Variants in COMMD1 observed in about 807,000 individuals in gnomAD.
COMMD1 encodes copper metabolism domain containing 1, also known as COMM domain-containing protein 1.
A neutral mutation model predicts 17.2 loss-of-function variants in COMMD1; 10 were observed. The ratio of observed to expected loss-of-function variants is 0.58; its 90% confidence interval spans 0.36 to 0.99. The LOEUF (loss-of-function observed/expected upper bound fraction) is 0.99. Ranked by LOEUF, COMMD1 falls within the 50% of genes least tolerant of loss-of-function variation. The pLI, the probability that COMMD1 is intolerant of heterozygous loss-of-function variation, is 0.01. For synonymous variants in COMMD1, 97 were observed against 91.6 expected (o/e 1.06, Z -0.34); for missense variants, 270 against 231.8 (o/e 1.17, Z -1.07).
At position 62,042,668 on chromosome 2, in the gene COMMD1, T is replaced by A. The variant is rs375820263; in HGVS notation, c.462+41686T>A. On this transcript the variant is annotated intron_variant, in intron 2 of 2. Transcript: ENST00000311832. ...GCCTCAGCCAGCCCCGGCGACGGGC[T>A]GAAGGGCTCCTCGAGCGCAGCCAGA... Among the ~76,000 whole-genome samples, 359 of 152,294 alleles carry A rather than the reference T, an allele frequency of 2.4e-3. 4 individuals are homozygous for A. Among genetic ancestry groups the A allele is most frequent in the African/African-American group, 8.5e-3 (352 of 41,568 alleles).
chr2:61,937,541 T>C (rs1352499751), intron 1 of COMMD1, among the ~76,000 whole-genome samples: 3 of 152,238 alleles, frequency 2.0e-5, no homozygotes, highest in East Asian at 3.8e-4. Context: ...GGAATAGACA[T>C]GGACAGGCAT....
intron 2 of COMMD1, among the ~76,000 whole-genome samples, chr2:62,063,669 G>T (rs76490782): frequency 0.078 from 11,814 of 151,600 alleles, 1,067 homozygotes; most frequent in African/African-American, 0.22. Flanking sequence ...TTTCTATAAT[G>T]TTCTATGCAG....
intron 2 of COMMD1, among the ~76,000 whole-genome samples, chr2:62,015,805 T>A (rs1573073363): frequency 6.6e-6 from 1 of 151,682 alleles, no homozygotes; most frequent in East Asian, 1.9e-4. Context: ...ATGTTGAACA[T>A]CTTTTTATGT....
chr2:61,935,837 G>A (rs558205196), intron 1 of COMMD1, among the ~76,000 whole-genome samples: 59 of 150,710 alleles, frequency 3.9e-4, no homozygotes, highest in Admixed American at 5.9e-4. Context: ...TTTTTTTTGA[G>A]ACAGAGTCTC....
At chr2:61,950,172 G>A (rs1453595863) in intron 1 of COMMD1, among the ~76,000 whole-genome samples, 2 of 152,208 alleles carry the variant, frequency 1.3e-5, no homozygotes, top group African/African-American at 4.8e-5. Flanking sequence ...TGGACCCCGA[G>A]ATTTAGGGTC....
intron 2 of COMMD1, among the ~76,000 whole-genome samples, chr2:62,071,585 C>G (rs1306779140): frequency 2.6e-5 from 4 of 152,124 alleles, no homozygotes; most frequent in African/African-American, 9.7e-5. Flanking sequence ...GGGGCCAGTT[C>G]TACTTATGAT....
At chr2:61,895,625 G>A (rs984007169) in intron 1 of COMMD1, among the ~76,000 whole-genome samples, 4 of 152,134 alleles carry the variant, frequency 2.6e-5, no homozygotes, top group Admixed American at 1.3e-4. Flanking sequence ...AGACCCAGGG[G>A]TGATATGCTA....
At chr2:61,905,590 G>T (rs1004570785), upstream of COMMD1, 2 of 1,333,866 alleles carry the variant, frequency 1.5e-6, no homozygotes, top group Admixed American at 2.8e-5. Context: ...GAGGTTCCCC[G>T]TGGTGGTTTT....
At chr2:62,091,579 C>G (rs1162899561) in intron 2 of COMMD1, among the ~76,000 whole-genome samples, 7 of 152,184 alleles carry the variant, frequency 4.6e-5, no homozygotes, top group Non-Finnish European at 1.5e-5. Flanking sequence ...CATAATGCTT[C>G]CCAGAGGCGC....
chr2:62,055,383 A>G (rs1670665483), intron 2 of COMMD1: 2 of 455,442 alleles, frequency 4.4e-6, no homozygotes, highest in Non-Finnish European at 8.8e-6. Flanking sequence ...TAAGACTGCC[A>G]GCAAAAAAGA....
intron 1 of COMMD1, among the ~76,000 whole-genome samples, chr2:61,992,431 T>G (rs1442964498): frequency 6.6e-6 from 1 of 152,242 alleles, no homozygotes; most frequent in Admixed American, 6.5e-5. Context: ...CAAAGTCATG[T>G]GAGACACAGG....
chr2:62,055,106 C>T (rs1477671965), intron 2 of COMMD1, among the ~76,000 whole-genome samples: 4 of 152,144 alleles, frequency 2.6e-5, no homozygotes, highest in Non-Finnish European at 4.4e-5. Context: ...CAGTGAGTGG[C>T]AAGTGACAAT....
At chr2:62,039,918 T>C (rs1478103436) in intron 2 of COMMD1, among the ~76,000 whole-genome samples, 5 of 152,228 alleles carry the variant, frequency 3.3e-5, no homozygotes, top group African/African-American at 1.2e-4. Context: ...AAAATTTATA[T>C]AGCTAGCAAT....
Position 62,070,211 on chromosome 2 carries a change from G to A in COMMD1, c.463-65620G>A, listed in dbSNP as rs563540132. ...TTTGACCCTTGAACAACACGGGTTTGAACTGCACAGGTCCACTTACTAGTG... is the reference window on the plus strand; with the variant it reads ...TTTGACCCTTGAACAACACGGGTTTAAACTGCACAGGTCCACTTACTAGTG... On this transcript the variant is annotated intron_variant, in intron 2 of 2. Coordinates refer to ENST00000311832, the MANE Select transcript of COMMD1 (RefSeq NM_152516.4). 20 of 152,142 alleles carry A rather than the reference G, an allele frequency of 1.3e-4. 1 individual carries two copies. Among genetic ancestry groups the A allele is most frequent in the Admixed American group, 1.3e-3 (20 of 15,264 alleles). 9.4% of individuals were successfully genotyped at this position (152,142 alleles called of 1,614,324 possible).
chr2:61,926,171 CTG>C (rs1175639589), intron 1 of COMMD1, among the ~76,000 whole-genome samples: 10 of 152,104 alleles, frequency 6.6e-5, no homozygotes, highest in Non-Finnish European at 1.5e-5. Flanking sequence ...CGGGGTTTCA[CTG>C]TGTTAGCCAG....
At chr2:61,966,063 C>G (rs1671497295) in intron 1 of COMMD1, among the ~76,000 whole-genome samples, 1 of 152,188 alleles carries the variant, frequency 6.6e-6, no homozygotes, top group Non-Finnish European at 1.5e-5. Context: ...TTGCTTGAGA[C>G]TGTTTTGAAA....
At chr2:62,130,089 G>T (rs1206976358) in intron 2 of COMMD1, among the ~76,000 whole-genome samples, 1 of 151,466 alleles carries the variant, frequency 6.6e-6, no homozygotes, top group Non-Finnish European at 1.5e-5. Context: ...GCAGGAGAAC[G>T]GCGTGAACCC....
At position 61,921,092 on chromosome 2, in the gene COMMD1, C is replaced by T. The variant is rs1353443189; in HGVS notation, c.180+15234C>T. On this transcript the variant is annotated intron_variant, in intron 1 of 2. Coordinates refer to ENST00000311832, the MANE Select transcript of COMMD1 (RefSeq NM_152516.4). Reference sequence around the variant, plus strand: ...TCCCGGGTTCAAATGATTCTCCTGCCTCAGCTTCCTGAGTAGCTGGTTCTA... The same window carrying T: ...TCCCGGGTTCAAATGATTCTCCTGCTTCAGCTTCCTGAGTAGCTGGTTCTA... 4.0e-5 allele frequency among the ~76,000 whole-genome samples: 6 copies of T among 151,284 alleles called. No homozygotes were observed. In the Admixed American group the frequency reaches 4.0e-4, roughly 10 times the overall value.
intron 1 of COMMD1, among the ~76,000 whole-genome samples, chr2:61,953,290 G>A (rs1352864834): frequency 6.6e-6 from 1 of 152,076 alleles, no homozygotes; most frequent in Non-Finnish European, 1.5e-5. Flanking sequence ...TGGGATTACA[G>A]GTGTGAGCCA....
Sources: allele counts gnomAD v4.1 joint callset (sites outside exome capture counted in the v4.1 genomes callset), GRCh38; gene constraint gnomAD v4.1.1; transcripts MANE v1.5; gene names NCBI Gene and HGNC (gene_info 2026-07-23, HGNC 2026-07-21).